KDM4C: variants seen among roughly 807,000 people sequenced by gnomAD.
KDM4C encodes lysine demethylase 4C.
A neutral mutation model predicts 129.3 loss-of-function variants in KDM4C; 81 were observed. The observed-to-expected ratio is 0.63, with a 90% confidence interval of 0.52 to 0.75. KDM4C has a LOEUF of 0.75. Ranked by LOEUF, KDM4C falls within the 30% of genes least tolerant of loss-of-function variation. The pLI, the probability that KDM4C is intolerant of heterozygous loss-of-function variation, is 0.00. For synonymous variants in KDM4C, 573 were observed against 456.1 expected, an observed-to-expected ratio of 1.26 and a Z score of -3.26; for missense variants, 1,457 against 1,304.0, an observed-to-expected ratio of 1.12 and a Z score of -1.81.
chr9:6,793,262 G>A, intron 2 of KDM4C, 130 bp downstream of exon 2: 1 of 832,418 alleles, frequency 1.2e-6, no homozygotes, highest in Non-Finnish European at 1.9e-6. Context: ...GTTAATCCAT[G>A]TGAAACATTT....
chr9:6,961,963 T>C (rs553903815), intron 8 of KDM4C, among the ~76,000 whole-genome samples: 3 of 152,326 alleles, frequency 2.0e-5, no homozygotes, highest in South Asian at 4.1e-4. Context: ...CTGCTGGCCT[T>C]CACAAGTTCA....
chr9:7,077,515 TATTCCC>T (rs1367082322), intron 17 of KDM4C, among the ~76,000 whole-genome samples: 1 of 152,236 alleles, frequency 6.6e-6, no homozygotes, highest in Non-Finnish European at 1.5e-5. Flanking sequence ...TTGATATCTT[TATTCCC>T]ATTTTATATT....
At chr9:7,130,037 A>T (rs1312182669) in intron 19 of KDM4C, among the ~76,000 whole-genome samples, 1 of 152,228 alleles carries the variant, frequency 6.6e-6, no homozygotes, top group Non-Finnish European at 1.5e-5. Flanking sequence ...AGGGATATGC[A>T]GGAGCAAGAG....
At chr9:6,811,266 G>C (rs568349151) in intron 3 of KDM4C, among the ~76,000 whole-genome samples, 1 of 152,152 alleles carries the variant, frequency 6.6e-6, no homozygotes, top group South Asian at 2.1e-4. Context: ...TGATTCTCCT[G>C]CCTCAGCCTC....
rs1838484055 is a variant in KDM4C, at chr9:6,849,712, G to A, written c.629+12G>A. 6.5e-7 allele frequency: 1 copy of A among 1,532,898 alleles called. No homozygotes were observed. The highest frequency in any genetic ancestry group is 1.4e-5 in the African/African-American group (1 of 72,758). The allele number at this position is 1,532,898 out of a possible 1,614,324, so 95.0% of individuals were successfully genotyped here. On this transcript the variant is annotated intron_variant, in intron 5 of 21. Coordinates refer to ENST00000381309, the MANE Select transcript of KDM4C (RefSeq NM_015061.6). ...GAGCCCAAGTCTTGGCAAGTTACTT[G>A]TTTAATATTCATTTACTTTGGAGTT...
rs142680995 is a variant in KDM4C, at chr9:6,996,636, C to T, written c.1786+6112C>T. On this transcript the variant is annotated intron_variant, in intron 12 of 21. Coordinates refer to ENST00000381309, the MANE Select transcript of KDM4C (RefSeq NM_015061.6). ...GCTAGTGTACAGAGGACGTCGTGAG[C>T]ATGGCATTTGCTGACACAGTGATAC... Among the ~76,000 whole-genome samples the T allele has an allele frequency of 2.3e-3, 357 of 152,298 alleles. 3 individuals carry two copies. The highest frequency in any genetic ancestry group is 8.2e-3 in the African/African-American group (342 of 41,548).
intron 1 of KDM4C, among the ~76,000 whole-genome samples, chr9:6,774,256 A>C (rs943204435): frequency 5.9e-5 from 9 of 152,216 alleles, no homozygotes; most frequent in African/African-American, 2.2e-4. Context: ...TGTTGGGTTC[A>C]CAGTCCTTCA....
chr9:6,915,994 T>G (rs1820244545), intron 8 of KDM4C, among the ~76,000 whole-genome samples: 1 of 152,202 alleles, frequency 6.6e-6, no homozygotes, highest in African/African-American at 2.4e-5. Flanking sequence ...TGGGGGGAAT[T>G]TAATTCCAAC....
intron 17 of KDM4C, among the ~76,000 whole-genome samples, chr9:7,065,626 G>A (rs1432370666): frequency 6.6e-6 from 1 of 152,152 alleles, no homozygotes; most frequent in African/African-American, 2.4e-5. Flanking sequence ...AGCTTCATCT[G>A]ATTTTTACAA....
rs1157751394 is a variant in KDM4C, at chr9:6,814,734, A to G, written c.424A>G (p.Ile142Val). The G allele has an allele frequency of 3.2e-6, 5 of 1,580,354 alleles. No homozygotes were observed. The highest frequency in any genetic ancestry group is 1.7e-4 in the Middle Eastern group (1 of 6,002). The change falls in exon 4 of 22, where the codon ATA becomes GTA. Residue 142 changes from isoleucine (I) to valine (V), a missense_variant. Ile to Val is a conservative substitution (Grantham distance 29). Coordinates refer to ENST00000381309, the MANE Select transcript of KDM4C (RefSeq NM_015061.6). Reference sequence around the variant, plus strand: ...CTATGGTGCAGATATTAATGGGAGCATATATGATGAGGTACATTCATATTT... The same window carrying G: ...CTATGGTGCAGATATTAATGGGAGCGTATATGATGAGGTACATTCATATTT... ...PIYGADINGSIYDEGVDEWNI... is the reference protein window; with the variant it reads ...PIYGADINGSVYDEGVDEWNI...
At chr9:6,720,871 C>CAT in exon 1 of KDM4C, 1 of 1,287,182 alleles carries the variant, frequency 7.8e-7, no homozygotes, top group Non-Finnish European at 1.1e-6. Flanking sequence ...AGATGGCTGA[C>CAT]ATGATGGTCT....
chr9:7,156,760 GTAGTA>G (rs1443111650), intron 19 of KDM4C, among the ~76,000 whole-genome samples: 1 of 152,210 alleles, frequency 6.6e-6, no homozygotes, highest in East Asian at 1.9e-4. Flanking sequence ...CTGTAGCCTT[GTAGTA>G]TAGTTTGAAG....
chr9:6,805,053 A>C (rs949410128), intron 2 of KDM4C, among the ~76,000 whole-genome samples: 1 of 151,820 alleles, frequency 6.6e-6, no homozygotes, highest in Non-Finnish European at 1.5e-5. Flanking sequence ...GGTGCGTGCC[A>C]CCACGCCCGG....
chr9:6,738,549 C>G (rs1817597467), intron 1 of KDM4C, among the ~76,000 whole-genome samples: 1 of 152,126 alleles, frequency 6.6e-6, no homozygotes. Flanking sequence ...ATCCTCCTGC[C>G]TCAGCACCCT....
At chr9:7,054,097 C>G (rs1587293793) in intron 17 of KDM4C, among the ~76,000 whole-genome samples, 1 of 152,184 alleles carries the variant, frequency 6.6e-6, no homozygotes, top group African/African-American at 2.4e-5. Context: ...ACTGCAAACC[C>G]CTTCCCTGTG....
chr9:6,978,833 A>G (rs962366196), intron 8 of KDM4C: 3 of 152,120 alleles, frequency 2.0e-5, no homozygotes, highest in African/African-American at 4.8e-5. Flanking sequence ...GTCCAGCAGT[A>G]CCATCCTCCA....
At chr9:6,882,803 TGTGC>T (rs963852945) in intron 6 of KDM4C, among the ~76,000 whole-genome samples, 7 of 147,788 alleles carry the variant, frequency 4.7e-5, no homozygotes, top group Admixed American at 6.7e-5. Flanking sequence ...TGTGTGTGTG[TGTGC>T]GCGTGTGCAC....
At chr9:7,030,676 G>C (rs997956930) in intron 15 of KDM4C, among the ~76,000 whole-genome samples, 7 of 152,158 alleles carry the variant, frequency 4.6e-5, no homozygotes, top group Admixed American at 4.6e-4. Context: ...AACCCTGTCT[G>C]CTTTGATGCA....
chr9:6,861,472 A>G (rs1338977918), intron 5 of KDM4C, among the ~76,000 whole-genome samples: 1 of 152,228 alleles, frequency 6.6e-6, no homozygotes, highest in South Asian at 2.1e-4. Context: ...CTTGATTAGA[A>G]CTAGTCTGAT....
Sources: gnomAD v4.1 joint callset for allele counts (sites outside exome capture counted in the v4.1 genomes callset) on GRCh38, gnomAD v4.1.1 for gene constraint, MANE v1.5 for transcripts, NCBI Gene and HGNC (gene_info 2026-07-23, HGNC 2026-07-21) for gene names.